MYO1E: variants seen among roughly 807,000 people sequenced by gnomAD.
MYO1E encodes myosin IE.
In MYO1E, 68 loss-of-function variants were observed where a neutral mutation model predicts 151.1. The observed-to-expected ratio is 0.45, with a 90% CI of 0.37 to 0.55. MYO1E has a LOEUF of 0.55. Among genes scored for constraint, MYO1E ranks in the 20% least tolerant of loss-of-function variants. The pLI is 0.00. For synonymous variants in MYO1E, 601 were observed against 501.7 expected (o/e 1.20, Z -2.64); for missense variants, 1,363 against 1,389.3 (o/e 0.98, Z 0.30).
At chr15:59,353,399 A>AAAAG (rs1277901329) in intron 1 of MYO1E, among the ~76,000 whole-genome samples, 7 of 138,276 alleles carry the variant, frequency 5.1e-5, no homozygotes, top group African/African-American at 2.1e-4. Flanking sequence ...GAAAAGAAAA[A>AAAAG]AAAGAAAAAA....
chr15:59,160,376 T>A (rs905048855), intron 24 of MYO1E, among the ~76,000 whole-genome samples: 2 of 145,444 alleles, frequency 1.4e-5, no homozygotes, highest in Non-Finnish European at 3.0e-5. Flanking sequence ...TGTGTGTGTG[T>A]GTGTATGGTG....
At chr15:59,278,504 G>GA (rs112463752) in intron 1 of MYO1E, among the ~76,000 whole-genome samples, 7,835 of 152,268 alleles carry the variant, frequency 0.051, 297 homozygotes, top group African/African-American at 0.11. Flanking sequence ...TGCAAATGAT[G>GA]AAAAATCAAC....
chr15:59,274,943 T>C (rs573400818), intron 1 of MYO1E, among the ~76,000 whole-genome samples: 12 of 152,326 alleles, frequency 7.9e-5, no homozygotes, highest in African/African-American at 2.6e-4. Flanking sequence ...CTGCTGTCTA[T>C]ATAACAAGGT....
At chr15:59,233,418 C>A (rs1423628178) in intron 5 of MYO1E, among the ~76,000 whole-genome samples, 1 of 152,104 alleles carries the variant, frequency 6.6e-6, no homozygotes, top group African/African-American at 2.4e-5. Context: ...GTAATCCCAG[C>A]ACTTTGGGAA....
intron 6 of MYO1E, among the ~76,000 whole-genome samples, chr15:59,229,537 G>A (rs1566986111): frequency 6.6e-6 from 1 of 152,204 alleles, no homozygotes. Flanking sequence ...ATAAAAGGTT[G>A]CATTTGCATT....
intron 23 of MYO1E, among the ~76,000 whole-genome samples, chr15:59,161,550 G>C (rs965363740): frequency 6.6e-6 from 1 of 152,216 alleles, no homozygotes; most frequent in Non-Finnish European, 1.5e-5. Flanking sequence ...ACAGAGGAAA[G>C]AGACAATTTC....
chr15:59,152,879 C>T (rs1049210328), intron 26 of MYO1E, among the ~76,000 whole-genome samples: 1 of 152,176 alleles, frequency 6.6e-6, no homozygotes, highest in African/African-American at 2.4e-5. Context: ...CATACGAGGG[C>T]AACTCATATT....
intron 4 of MYO1E, among the ~76,000 whole-genome samples, chr15:59,240,537 A>G (rs2080093735): frequency 6.6e-6 from 1 of 152,258 alleles, no homozygotes; most frequent in Admixed American, 6.5e-5. Context: ...CTCACTTAAA[A>G]GTCAATAGTA....
intron 14 of MYO1E, 51 bp from the exon 15 acceptor site, chr15:59,205,536 T>TGTAATTAAG: frequency 6.8e-7 from 1 of 1,460,178 alleles, no homozygotes; most frequent in Non-Finnish European, 9.5e-7. Flanking sequence ...ATGTAATTAA[T>TGTAATTAAG]TGAACAAAAT....
At chr15:59,169,066 C>G (rs936897861) in intron 22 of MYO1E, among the ~76,000 whole-genome samples, 1 of 152,146 alleles carries the variant, frequency 6.6e-6, no homozygotes, top group Non-Finnish European at 1.5e-5. Flanking sequence ...CACATGTTGT[C>G]TTGTAACTGT....
At chr15:59,240,482 G>C (rs958087833) in intron 4 of MYO1E, among the ~76,000 whole-genome samples, 1 of 152,096 alleles carries the variant, frequency 6.6e-6, no homozygotes, top group African/African-American at 2.4e-5. Flanking sequence ...CATTTACAAT[G>C]GTATAATCCA....
intron 1 of MYO1E, among the ~76,000 whole-genome samples, chr15:59,365,309 G>A (rs778101608): frequency 2.0e-5 from 3 of 152,072 alleles, no homozygotes; most frequent in African/African-American, 7.2e-5. Context: ...GTTAGCCACC[G>A]CGCCCGGCTG....
rs183367418 is a variant in MYO1E at position 59,310,239 on chromosome 15, T to C, written c.4-37790A>G. ...TGTGGCAGCAAACCCACTGCCCCCT[T>C]GAGTCCTAAAATGATAAGGTGCAGC... is the stretch of plus-strand genomic sequence containing the variant. On this transcript the variant is annotated intron_variant, in intron 1 of 27. Transcript: ENST00000288235. Among the ~76,000 whole-genome samples, 27 of 152,182 alleles carry C rather than the reference T, an allele frequency of 1.8e-4. 3 individuals carry two copies. The South Asian group carries it at 3.7e-3, about 21-fold the overall frequency.
intron 10 of MYO1E, among the ~76,000 whole-genome samples, chr15:59,215,848 A>G (rs1354511596): frequency 6.6e-6 from 1 of 152,128 alleles, no homozygotes; most frequent in Non-Finnish European, 1.5e-5. Context: ...ACAAAGAGAA[A>G]AGAGATATGG....
At chr15:59,330,937 C>G (rs1440242833) in intron 1 of MYO1E, among the ~76,000 whole-genome samples, 1 of 152,048 alleles carries the variant, frequency 6.6e-6, no homozygotes, top group Admixed American at 6.6e-5. Flanking sequence ...GCCCAGCTAA[C>G]TTTTTAAAAA....
intron 1 of MYO1E, among the ~76,000 whole-genome samples, chr15:59,283,571 C>T (rs2080369876): frequency 6.6e-6 from 1 of 152,226 alleles, no homozygotes; most frequent in South Asian, 2.1e-4. Flanking sequence ...GGGCAGCCCC[C>T]AAGTATTTGT....
chr15:59,345,500 G>A (rs893661118), intron 1 of MYO1E, among the ~76,000 whole-genome samples: 2 of 152,112 alleles, frequency 1.3e-5, no homozygotes, highest in Admixed American at 6.6e-5. Flanking sequence ...TAGAAATAGG[G>A]GTCTTACTAT....
chr15:59,242,518 T>C (rs6494084), intron 4 of MYO1E, among the ~76,000 whole-genome samples: 38,193 of 151,996 alleles, frequency 0.25, 5,093 homozygotes, highest in African/African-American at 0.33. Context: ...AATCAGTAAA[T>C]AGGAGAGAAA....
chr15:59,279,012 A>G (rs570128763), intron 1 of MYO1E, among the ~76,000 whole-genome samples: 1 of 152,198 alleles, frequency 6.6e-6, no homozygotes, highest in East Asian at 1.9e-4. Context: ...GGAATACTCA[A>G]TGAATATGGA....
Sources: gnomAD v4.1 joint callset for allele counts (sites outside exome capture counted in the v4.1 genomes callset) on GRCh38, gnomAD v4.1.1 for gene constraint, MANE v1.5 for transcripts, NCBI Gene and HGNC (gene_info 2026-07-23, HGNC 2026-07-21) for gene names.